Variants in GBP6 observed in about 807,000 individuals in gnomAD.
GBP6 encodes the protein guanylate binding protein family member 6.
Under a neutral mutation model 61.5 loss-of-function variants are expected in GBP6, and 54 were observed. The ratio of observed to expected loss-of-function variants is 0.88; its 90% CI spans 0.71 to 1.10. GBP6 has a LOEUF of 1.10. GBP6 is among the 50% of genes least tolerant of loss of function. The pLI, the probability that GBP6 is intolerant of heterozygous loss-of-function variation, is 0.00. For missense variants in GBP6, 748 were observed against 752.8 expected (o/e 0.99, Z 0.07); for synonymous variants, 255 against 273.7 (o/e 0.93, Z 0.67).
At position 89,381,898 on chromosome 1, in the gene GBP6, G is replaced by A. The variant is rs935773536; in HGVS notation, c.1076G>A (p.Cys359Tyr). 2 of 1,614,024 alleles carry A rather than the reference G, an allele frequency of 1.2e-6. No individual in the cohort carries two copies. Among genetic ancestry groups the A allele is most frequent in the African/African-American group, 1.3e-5 (1 of 74,918 alleles). The stretch of plus-strand genomic sequence containing the variant: ...GAGCTGCTGGACATGCATGCGGCCT[G>A]TGAGAGGGAAGCCATTGCAATCTTC... ...LQELLDMHAA[C>Y]EREAIAIFME... is the part of the protein sequence containing the mutation. Residue 359 changes from cysteine to tyrosine, a missense_variant, in exon 7 of 11, where the codon TGT (cysteine) becomes TAT (tyrosine). By Grantham distance (194) the Cys-to-Tyr change is radical (BLOSUM62 -2). Coordinates refer to ENST00000370456, the MANE Select transcript of GBP6 (RefSeq NM_198460.3).
intron 1 of GBP6, among the ~76,000 whole-genome samples, chr1:89,368,241 C>T (rs1349726190): frequency 6.6e-6 from 1 of 152,198 alleles, no homozygotes; most frequent in Non-Finnish European, 1.5e-5. Context: ...ATACTTAAGG[C>T]ATGCATCACA....
In GBP6 at chr1:89,384,384, A is replaced by G. The variant is rs564505055; in HGVS notation, c.1662+98A>G. The G allele has an allele frequency of 5.2e-4, 483 of 927,956 alleles. 1 individual carries two copies. The African/African-American group carries it at 7.3e-3, about 14-fold the overall frequency. 57.5% of individuals were successfully genotyped at this position (927,956 alleles called of 1,614,324 possible). On this transcript the variant is annotated intron_variant, in intron 10 of 10. Coordinates refer to ENST00000370456, the MANE Select transcript of GBP6 (RefSeq NM_198460.3). Reference sequence around the variant, plus strand: ...ACAGCAACATCATGAAAGGAAGCACATCACCATTTGCTGCTTGGCAATCAC... The same window carrying G: ...ACAGCAACATCATGAAAGGAAGCACGTCACCATTTGCTGCTTGGCAATCAC...
chr1:89,367,344 T>TA (rs1003882509), intron 1 of GBP6, among the ~76,000 whole-genome samples: 1 of 152,026 alleles, frequency 6.6e-6, no homozygotes, highest in Admixed American at 6.5e-5. Context: ...TTGGGCTTTT[T>TA]AAAAAAAATA....
At chr1:89,374,251 G>A (rs1338422371) in intron 3 of GBP6, among the ~76,000 whole-genome samples, 1 of 152,062 alleles carries the variant, frequency 6.6e-6, no homozygotes. Flanking sequence ...GCACATACAT[G>A]TACTCTACAT....
intron 3 of GBP6, among the ~76,000 whole-genome samples, chr1:89,375,899 C>A (rs1198033124): frequency 6.6e-6 from 1 of 151,818 alleles, no homozygotes; most frequent in Admixed American, 6.6e-5. Flanking sequence ...TTTTTTTTCC[C>A]CTTCTATCTA....
intron 9 of GBP6, 84 bp from the exon 10 acceptor site, chr1:89,384,009 G>C: frequency 7.5e-7 from 1 of 1,336,500 alleles, no homozygotes; most frequent in African/African-American, 1.5e-5. Flanking sequence ...CTGCCTTTCA[G>C]ATTTGGTTTA....
At chr1:89,382,121 T>C (rs1188836163) in intron 7 of GBP6, 147 bp downstream of exon 7, 2 of 791,480 alleles carry the variant, frequency 2.5e-6, no homozygotes, top group Non-Finnish European at 3.9e-6. Flanking sequence ...AAAGACTACA[T>C]ATAAGCACTT....
At position 89,368,704 on chromosome 1, in the gene GBP6, A is replaced by G; in HGVS notation, c.153A>G (p.Lys51=). 1.2e-6 allele frequency: 2 copies of G among 1,613,620 alleles called. No homozygotes were observed. Among genetic ancestry groups the G allele is most frequent in the Non-Finnish European group, 1.7e-6 (2 of 1,179,644 alleles). Residue 51 remains lysine, a synonymous_variant, in exon 2 of 11, where the codon AAA becomes AAG. Transcript: ENST00000370456. ...VAIVGLYRTG[K]SYLMNHLAGQ... is the part of the protein sequence containing the mutation. Reference sequence around the variant, plus strand: ...TTGTAGGACTGTACCGTACAGGGAAATCCTACTTGATGAACCATCTGGCAG... The same window carrying G: ...TTGTAGGACTGTACCGTACAGGGAAGTCCTACTTGATGAACCATCTGGCAG...
chr1:89,370,927 A>G (rs992853249), intron 3 of GBP6, among the ~76,000 whole-genome samples: 3 of 152,226 alleles, frequency 2.0e-5, no homozygotes, highest in African/African-American at 7.2e-5. Context: ...GCTGTACGGT[A>G]GATCTCCAGA....
intron 3 of GBP6, among the ~76,000 whole-genome samples, chr1:89,376,091 T>A (rs1652801748): frequency 6.6e-6 from 1 of 152,204 alleles, no homozygotes; most frequent in South Asian, 2.1e-4. Flanking sequence ...TAGCTTAACA[T>A]CCTCTAGATT....
chr1:89,366,926 G>C (rs1010743657), intron 1 of GBP6, among the ~76,000 whole-genome samples: 5 of 152,012 alleles, frequency 3.3e-5, no homozygotes, highest in African/African-American at 1.2e-4. Context: ...TTTGCGCCTG[G>C]CATATTTCAC....
chr1:89,373,750 C>T (rs968822725), intron 3 of GBP6, among the ~76,000 whole-genome samples: 3 of 151,974 alleles, frequency 2.0e-5, no homozygotes, highest in Non-Finnish European at 2.9e-5. Flanking sequence ...ACCAACATGG[C>T]ACATGTATAC....
At chr1:89,380,893 A>G (rs1215083318) in intron 6 of GBP6, among the ~76,000 whole-genome samples, 1 of 152,220 alleles carries the variant, frequency 6.6e-6, no homozygotes, top group East Asian at 1.9e-4. Context: ...AACTGAATAT[A>G]AAAACATCTA....
rs1653071171 is a variant in GBP6, at chr1:89,384,211, A to G, written c.1587A>G (p.Gln529=). The G allele has an allele frequency of 6.2e-7, 1 of 1,614,052 alleles. No homozygotes were observed. Among genetic ancestry groups the G allele is most frequent in the Non-Finnish European group, 8.5e-7 (1 of 1,179,902 alleles). ...QDKSRKENIA[Q]LKEKLQMERE... ...AGAGTCGCAAGGAAAACATAGCCCA[A>G]CTGAAGGAGAAGCTGCAGATGGAGA... Residue 529 remains glutamine, a synonymous_variant, in exon 10 of 11, where the codon CAA becomes CAG. Coordinates refer to ENST00000370456, the MANE Select transcript of GBP6 (RefSeq NM_198460.3).
intron 1 of GBP6, among the ~76,000 whole-genome samples, chr1:89,366,127 CA>C (rs1384656346): frequency 6.6e-6 from 1 of 152,164 alleles, no homozygotes. Flanking sequence ...CCAAAAGTGA[CA>C]TTGACTTTAT....
In GBP6 at chr1:89,382,940, C is replaced by T. The variant is rs1394453272; in HGVS notation, c.1365+64C>T. ...GAGTGAATGGAGTCTTCAGCACCAG[C>T]CGTGGGTAATAAGAGAGCAGAGGGA... On this transcript the variant is annotated intron_variant, in intron 8 of 10. Coordinates refer to ENST00000370456, the MANE Select transcript of GBP6 (RefSeq NM_198460.3). The T allele has an allele frequency of 3.9e-5, 41 of 1,049,780 alleles. No homozygotes were observed. In the East Asian group the frequency reaches 9.7e-4, roughly 25 times the overall value. The allele number at this position is 1,049,780 out of a possible 1,614,324, so 65.0% of individuals were successfully genotyped here.
intron 3 of GBP6, among the ~76,000 whole-genome samples, chr1:89,376,853 T>C (rs1180042926): frequency 2.0e-5 from 3 of 152,116 alleles, no homozygotes; most frequent in Non-Finnish European, 4.4e-5. Context: ...AGAATAATAA[T>C]AAACAAAATG....
intron 10 of GBP6, among the ~76,000 whole-genome samples, 170 bp from the exon 11 acceptor site, chr1:89,385,060 A>G (rs1280266090): frequency 6.6e-6 from 1 of 152,236 alleles, no homozygotes; most frequent in African/African-American, 2.4e-5. Context: ...ATATTAGTAA[A>G]GTTATAAACT....
intron 10 of GBP6, 95 bp downstream of exon 10, chr1:89,384,381 C>T (rs1357867149): frequency 2.1e-6 from 2 of 949,256 alleles, no homozygotes; most frequent in East Asian, 5.3e-5. Flanking sequence ...TGAAAGGAAG[C>T]ACATCACCAT....
Sources: gnomAD v4.1 joint callset for allele counts (sites outside exome capture counted in the v4.1 genomes callset) on GRCh38, gnomAD v4.1.1 for gene constraint, MANE v1.5 for transcripts, NCBI Gene and HGNC (gene_info 2026-07-23, HGNC 2026-07-21) for gene names.